Variants in PPFIA2 observed in about 807,000 individuals in gnomAD.
PPFIA2 encodes PPFI scaffold protein A2, also known as liprin-alpha-2.
A neutral mutation model predicts 175.5 loss-of-function variants in PPFIA2; 46 were observed. The ratio of observed to expected loss-of-function variants is 0.26; its 90% confidence interval spans 0.21 to 0.34. The LOEUF is 0.34. Among genes scored for constraint, PPFIA2 ranks in the 10% least tolerant of loss-of-function variants. The pLI, the probability that PPFIA2 is intolerant of heterozygous loss-of-function variation, is 1.00. For missense variants in PPFIA2, 1,179 were observed against 1,506.1 expected, an observed-to-expected ratio of 0.78 and a Z score of 3.60; for synonymous variants, 568 against 511.4, an observed-to-expected ratio of 1.11 and a Z score of -1.49.
chr12:81,535,555 A>C (rs2065251728), intron 4 of PPFIA2: 1 of 438,398 alleles, frequency 2.3e-6, no homozygotes, highest in South Asian at 1.6e-5. Flanking sequence ...AAATACATAC[A>C]TTTCTCTGTC....
intron 22 of PPFIA2, among the ~76,000 whole-genome samples, chr12:81,319,787 C>A (rs1235298273): frequency 6.6e-6 from 1 of 151,850 alleles, no homozygotes; most frequent in Non-Finnish European, 1.5e-5. Flanking sequence ...TTGGGAATAT[C>A]TTGGCTCTAT....
At chr12:81,368,688 A>C in intron 13 of PPFIA2, 37 bp downstream of exon 13, 1 of 1,579,852 alleles carries the variant, frequency 6.3e-7, no homozygotes. Flanking sequence ...TGAGCATTGC[A>C]AAATATTCAT....
At chr12:81,534,700 T>A (rs779368520) in intron 4 of PPFIA2, among the ~76,000 whole-genome samples, 2 of 151,820 alleles carry the variant, frequency 1.3e-5, no homozygotes, top group South Asian at 4.1e-4. Flanking sequence ...ACACTTGATA[T>A]ACATCAAGAA....
intron 4 of PPFIA2, among the ~76,000 whole-genome samples, chr12:81,535,921 A>G (rs1486372968): frequency 1.3e-5 from 2 of 151,804 alleles, no homozygotes; most frequent in Non-Finnish European, 1.5e-5. Context: ...CCAGAATATA[A>G]CACAAGGTAA....
intron 4 of PPFIA2, among the ~76,000 whole-genome samples, chr12:81,621,513 A>G (rs1351087801): frequency 6.6e-6 from 1 of 152,198 alleles, no homozygotes; most frequent in Non-Finnish European, 1.5e-5. Context: ...TAGCTTTTGG[A>G]TTGAGAACAG....
intron 3 of PPFIA2, among the ~76,000 whole-genome samples, chr12:81,678,729 A>G (rs1375237834): frequency 2.6e-5 from 4 of 151,926 alleles, no homozygotes; most frequent in Non-Finnish European, 5.9e-5. Context: ...TCTGAAAAAC[A>G]TAATGGTAGA....
chr12:81,532,510 T>A (rs1298973682), intron 4 of PPFIA2, among the ~76,000 whole-genome samples: 1 of 151,726 alleles, frequency 6.6e-6, no homozygotes, highest in African/African-American at 2.4e-5. Flanking sequence ...TTTACATGGG[T>A]TCCATTGCTC....
chr12:81,474,839 G>T (rs1247674853), intron 4 of PPFIA2, among the ~76,000 whole-genome samples: 1 of 152,072 alleles, frequency 6.6e-6, no homozygotes, highest in Admixed American at 6.6e-5. Context: ...TTGCCCTATT[G>T]TTTTGTATAG....
intron 7 of PPFIA2, among the ~76,000 whole-genome samples, chr12:81,407,481 T>TTCAAATAAAA (rs1555357476): frequency 1.5e-5 from 2 of 130,740 alleles, no homozygotes; most frequent in African/African-American, 5.9e-5. Context: ...AGACTCTGTC[T>TTCAAATAAAA]TAAAATAAAA....
chr12:81,352,416 T>A (rs907139671), intron 17 of PPFIA2, among the ~76,000 whole-genome samples: 4 of 149,570 alleles, frequency 2.7e-5, no homozygotes, highest in Non-Finnish European at 5.9e-5. Flanking sequence ...TTCTATAGAA[T>A]TAATATATTA....
intron 3 of PPFIA2, among the ~76,000 whole-genome samples, chr12:81,732,298 T>C (rs751071694): frequency 1.3e-5 from 2 of 151,564 alleles, no homozygotes; most frequent in African/African-American, 4.8e-5. Flanking sequence ...CAAATCTGAA[T>C]GCAACTTTAG....
chr12:81,259,617 A>G lies in PPFIA2; in HGVS notation c.*77T>C. 6.5e-7 allele frequency: 1 copy of G among 1,530,968 alleles called. No homozygotes were observed. The highest frequency in any genetic ancestry group is 8.8e-7 in the Non-Finnish European group (1 of 1,142,394). 94.8% of individuals were successfully genotyped at this position (1,530,968 alleles called of 1,614,324 possible). On this transcript the variant is annotated 3_prime_UTR_variant, in exon 33 of 33. Coordinates refer to ENST00000549396, the MANE Select transcript of PPFIA2 (RefSeq NM_003625.5). ...AAAGGTTTTCACTGCTCGTCTTCTT[A>G]GATGGTAGTGCACTTTAGGTAGAGT... is the stretch of plus-strand genomic sequence containing the variant.
chr12:81,421,452 C>T (rs182263491), intron 7 of PPFIA2, among the ~76,000 whole-genome samples: 7 of 151,792 alleles, frequency 4.6e-5, no homozygotes, highest in African/African-American at 1.7e-4. Context: ...AGTTAAGTTG[C>T]TATTAACTTA....
At chr12:81,299,844 T>C (rs2047381392) in intron 22 of PPFIA2, among the ~76,000 whole-genome samples, 1 of 152,162 alleles carries the variant, frequency 6.6e-6, no homozygotes. Flanking sequence ...AGTCACATTC[T>C]AGTGATGTGG....
chr12:81,618,846 T>A (rs1275036648), intron 4 of PPFIA2, among the ~76,000 whole-genome samples: 2 of 152,106 alleles, frequency 1.3e-5, no homozygotes, highest in African/African-American at 4.8e-5. Context: ...GCACTTCTAT[T>A]CATTCATTAA....
rs1454083140 is a variant in PPFIA2, at chr12:81,454,548, ACT to A, written c.405+3215_405+3216del. 7.9e-5 allele frequency among the ~76,000 whole-genome samples: 12 copies of A among 152,258 alleles called. 1 individual carries two copies. In the South Asian group the frequency reaches 2.5e-3, roughly 32 times the overall value. Reference sequence around the variant, plus strand: ...TGTTAGCTATTATATTATCATTATTACTCTCTATCTTCATTCAATTCCCACTG... The same window carrying A: ...TGTTAGCTATTATATTATCATTATTACTCTATCTTCATTCAATTCCCACTG... On this transcript the variant is annotated intron_variant, in intron 5 of 32. Coordinates refer to ENST00000549396, the MANE Select transcript of PPFIA2 (RefSeq NM_003625.5).
At chr12:81,399,950 A>T (rs1258414259) in intron 8 of PPFIA2, among the ~76,000 whole-genome samples, 1 of 152,170 alleles carries the variant, frequency 6.6e-6, no homozygotes, top group Non-Finnish European at 1.5e-5. Flanking sequence ...GAATCTTTGA[A>T]AGAATGGTTG....
intron 4 of PPFIA2, among the ~76,000 whole-genome samples, chr12:81,576,460 T>C (rs1363740235): frequency 1.3e-5 from 2 of 151,818 alleles, no homozygotes; most frequent in Non-Finnish European, 2.9e-5. Context: ...TTGAACTTAA[T>C]CCTACCAAAT....
intron 31 of PPFIA2, among the ~76,000 whole-genome samples, chr12:81,262,483 T>A (rs1357490264): frequency 6.6e-6 from 1 of 152,182 alleles, no homozygotes; most frequent in African/African-American, 2.4e-5. Context: ...ACAGTTTATG[T>A]TGGAACTAAA....
Sources: allele counts gnomAD v4.1 joint callset (sites outside exome capture counted in the v4.1 genomes callset), GRCh38; gene constraint gnomAD v4.1.1; transcripts MANE v1.5; gene names NCBI Gene and HGNC (gene_info 2026-07-23, HGNC 2026-07-21).